P2RY8: variants seen among roughly 807,000 people sequenced by gnomAD.
P2RY8 encodes the protein S-geranylgeranyl-glutathione receptor P2RY8.
A neutral mutation model predicts 10.0 loss-of-function variants in P2RY8; 6 were observed. The observed-to-expected ratio is 0.60, with a 90% CI of 0.33 to 1.19. The LOEUF is 1.19. Among genes scored for constraint, P2RY8 ranks in the 50% most tolerant of loss-of-function variants. The pLI, the probability that P2RY8 is intolerant of heterozygous loss-of-function variation, is 0.04. For synonymous variants in P2RY8, 276 were observed against 252.5 expected, an observed-to-expected ratio of 1.09 and a Z score of -0.88; for missense variants, 456 against 542.0, an observed-to-expected ratio of 0.84 and a Z score of 1.58.
At chrX:1,522,539 C>T (rs1436539468) in intron 1 of P2RY8, among the ~76,000 whole-genome samples, 1 of 152,186 alleles carries the variant, frequency 6.6e-6, no homozygotes, top group Non-Finnish European at 1.5e-5. Context: ...TGCCTCTAGT[C>T]CCAGCACCTT....
intron 1 of P2RY8, among the ~76,000 whole-genome samples, chrX:1,532,414 G>GTATGT (rs1569538946): frequency 7.4e-6 from 1 of 134,750 alleles, no homozygotes; most frequent in Admixed American, 7.5e-5. Context: ...ATATGTATAT[G>GTATGT]ATGTGTATAT....
intron 1 of P2RY8, among the ~76,000 whole-genome samples, chrX:1,536,189 C>T (rs2092525044): frequency 2.0e-5 from 3 of 152,140 alleles, no homozygotes; most frequent in African/African-American, 7.2e-5. Flanking sequence ...AAATGGGTTA[C>T]GTGCAGCAGC....
At chrX:1,533,127 G>A (rs1223100643) in intron 1 of P2RY8, among the ~76,000 whole-genome samples, 1 of 150,816 alleles carries the variant, frequency 6.6e-6, no homozygotes, top group African/African-American at 2.4e-5. Context: ...CCACAAACCG[G>A]GTTCAGTGTA....
intron 1 of P2RY8, among the ~76,000 whole-genome samples, chrX:1,501,525 CTAAT>C (rs1404852790): frequency 6.6e-6 from 1 of 152,046 alleles, no homozygotes; most frequent in East Asian, 1.9e-4. Flanking sequence ...CCATGGCTGG[CTAAT>C]TATTTATTTT....
At chrX:1,478,273 G>GTGTGTGTGTGTGTGTGTGTGTGCA (rs539376483) in intron 1 of P2RY8, among the ~76,000 whole-genome samples, 7,224 of 133,158 alleles carry the variant, frequency 0.054, 226 homozygotes, top group Non-Finnish European at 0.061. Flanking sequence ...GTGTGTGTGT[G>GTGTGTGTGTGTGTGTGTGTGTGCA]CCCAGCAGGG....
At chrX:1,474,556 GTGGATGGA>G (rs768305692) in intron 1 of P2RY8, among the ~76,000 whole-genome samples, 28,825 of 86,202 alleles carry the variant, frequency 0.33, 5,350 homozygotes, top group East Asian at 0.64. Context: ...GTATGGGTGT[GTGGATGGA>G]TGGATGGATG....
At chrX:1,528,941 G>C (rs1260704652) in intron 1 of P2RY8, among the ~76,000 whole-genome samples, 1 of 152,170 alleles carries the variant, frequency 6.6e-6, no homozygotes, top group Non-Finnish European at 1.5e-5. Context: ...GCGTGGATTT[G>C]AGTCTCCTCA....
chrX:1,494,869 ATTT>A (rs59572174), intron 1 of P2RY8, among the ~76,000 whole-genome samples: 46,172 of 143,850 alleles, frequency 0.32, 8,762 homozygotes, highest in East Asian at 0.53. Flanking sequence ...CACCTGGCTA[ATTT>A]TTTTTTTTTT....
chrX:1,519,496 T>C (rs2092375705), intron 1 of P2RY8, among the ~76,000 whole-genome samples: 1 of 151,890 alleles, frequency 6.6e-6, no homozygotes, highest in African/African-American at 2.4e-5. Context: ...TGGTCCCCAA[T>C]CATCTTTCTG....
At position 1,530,573 on chromosome X, in the gene P2RY8, GATCT is replaced by G. The variant is rs200309230; in HGVS notation, c.-25+6344_-25+6347del. Reference sequence around the variant, plus strand: ...TATCTATGTATCTATCTATCTGATTGATCTATCTCTCTATCATCACCATTATCTA... The same window carrying G: ...TATCTATGTATCTATCTATCTGATTGATCTCTCTATCATCACCATTATCTA... On this transcript the variant is annotated intron_variant, in intron 1 of 1. Coordinates refer to ENST00000381297, the MANE Select transcript of P2RY8 (RefSeq NM_178129.5). Among the ~76,000 whole-genome samples, 5 of 149,624 alleles carry G rather than the reference GATCT, an allele frequency of 3.3e-5. No homozygotes were observed. In the East Asian group the frequency reaches 6.2e-4, roughly 19 times the overall value.
intron 1 of P2RY8, among the ~76,000 whole-genome samples, chrX:1,528,223 G>T (rs1331104111): frequency 8.5e-4 from 130 of 152,326 alleles, no homozygotes; most frequent in Admixed American, 1.6e-3. Context: ...AGCAGCTAGT[G>T]CCTGGGAGGC....
chrX:1,519,090 G>A (rs557317437), intron 1 of P2RY8, among the ~76,000 whole-genome samples: 112 of 138,550 alleles, frequency 8.1e-4, no homozygotes, highest in South Asian at 4.6e-3. Flanking sequence ...ATAATCTTTC[G>A]GCTCCCCAAT....
chrX:1,475,024 A>AGGATGGGTAGAT (rs1228994795), intron 1 of P2RY8, among the ~76,000 whole-genome samples: 1 of 140,758 alleles, frequency 7.1e-6, no homozygotes, highest in Non-Finnish European at 1.5e-5. Flanking sequence ...GGAATGGATG[A>AGGATGGGTAGAT]GGATGGGTAG....
intron 1 of P2RY8, among the ~76,000 whole-genome samples, chrX:1,484,734 AAAAAAAAAAAAAAAGAAGAAG>A (rs2091970897): frequency 7.2e-6 from 1 of 138,334 alleles, no homozygotes; most frequent in Admixed American, 7.2e-5. Flanking sequence ...TAAAAAAAAA[AAAAAAAAAAAAAAAGAAGAAG>A]AAGAAGAAGA....
chrX:1,534,745 C>A (rs1181947123), intron 1 of P2RY8, among the ~76,000 whole-genome samples: 3 of 152,104 alleles, frequency 2.0e-5, no homozygotes, highest in African/African-American at 4.8e-5. Context: ...CCTCTCCAAG[C>A]GCAGGGCTGT....
chrX:1,469,854 G>T (rs1489210070), intron 1 of P2RY8, among the ~76,000 whole-genome samples: 2 of 151,886 alleles, frequency 1.3e-5, no homozygotes, highest in East Asian at 3.9e-4. Context: ...AGCCGAGATC[G>T]CACCACTGTA....
intron 1 of P2RY8, among the ~76,000 whole-genome samples, chrX:1,481,321 G>A (rs7886241): frequency 6.6e-6 from 1 of 152,030 alleles, no homozygotes; most frequent in Non-Finnish European, 1.5e-5. Flanking sequence ...CTGCCACCAC[G>A]CCTGGCTAAG....
chrX:1,533,597 TATTATTTAA>T, intron 1 of P2RY8, among the ~76,000 whole-genome samples: 1 of 3,368 alleles, frequency 3.0e-4, no homozygotes, highest in Non-Finnish European at 8.9e-4. Flanking sequence ...CTTATATATT[TATTATTTAA>T]ATATATTATA....
intron 1 of P2RY8, among the ~76,000 whole-genome samples, chrX:1,484,724 T>TAAAAAAAAA (rs1171758279): frequency 1.5e-3 from 25 of 16,768 alleles, no homozygotes; most frequent in East Asian, 4.1e-3. Context: ...CAAAACCCTG[T>TAAAAAAAAA]AAAAAAAAAA....
Sources: allele counts gnomAD v4.1 joint callset (sites outside exome capture counted in the v4.1 genomes callset), GRCh38; gene constraint gnomAD v4.1.1; transcripts MANE v1.5; gene names NCBI Gene and HGNC (gene_info 2026-07-23, HGNC 2026-07-21).